CPSF6: variants seen among roughly 807,000 people sequenced by gnomAD.
CPSF6 encodes cleavage and polyadenylation specific factor 6, also known as cleavage and polyadenylation specificity factor subunit 6.
Under a neutral mutation model 56.7 loss-of-function variants are expected in CPSF6, and 10 were observed. The ratio of observed to expected loss-of-function variants is 0.18; its 90% CI spans 0.11 to 0.30. The LOEUF is 0.30. CPSF6 is among the 10% of genes least tolerant of loss of function. CPSF6 has a pLI of 1.00. For missense variants in CPSF6, 419 were observed against 722.9 expected (o/e 0.58, Z 4.82); for synonymous variants, 248 against 244.8 (o/e 1.01, Z -0.12).
chr12:69,255,727 C>T (rs865897884), intron 3 of CPSF6, among the ~76,000 whole-genome samples: 2 of 152,086 alleles, frequency 1.3e-5, no homozygotes, highest in Admixed American at 6.5e-5. Context: ...TTAGTAGAGA[C>T]GGGGTTTCAC....
rs920463886 is a variant in CPSF6, at chr12:69,269,563, A to G, written c.*55A>G. Reference sequence around the variant, plus strand: ...ACAAAACAGTCTTCATGGGGGAAAAATGACGCTTGTCCAGCAGTTTGCTTC... The same window carrying G: ...ACAAAACAGTCTTCATGGGGGAAAAGTGACGCTTGTCCAGCAGTTTGCTTC... On this transcript the variant is annotated 3_prime_UTR_variant, in exon 10 of 10. Transcript: ENST00000435070. 34 of 450,488 alleles carry G rather than the reference A, an allele frequency of 7.5e-5. No homozygotes were observed. Among genetic ancestry groups the G allele is most frequent in the African/African-American group, 6.6e-4 (33 of 49,800 alleles). The allele number at this position is 450,488 out of a possible 1,614,324, so 27.9% of individuals were successfully genotyped here. A position where few individuals can be genotyped will look rare whatever the true frequency, so the allele number is the denominator to read the frequency against.
intron 3 of CPSF6, among the ~76,000 whole-genome samples, chr12:69,253,607 T>TA (rs1872357770): frequency 6.6e-6 from 1 of 152,152 alleles, no homozygotes; most frequent in Non-Finnish European, 1.5e-5. Context: ...GAAAATAAAA[T>TA]ACCACTGTCC....
chr12:69,260,887 A>C (rs577302800), intron 8 of CPSF6, among the ~76,000 whole-genome samples: 1 of 152,320 alleles, frequency 6.6e-6, no homozygotes, highest in Admixed American at 6.5e-5. Context: ...TGTTGGGATG[A>C]TAGGCATGAG....
rs575566195 is a variant in CPSF6 at position 69,259,981 on chromosome 12, T to A, written c.1316-63T>A. The A allele has an allele frequency of 9.6e-6, 15 of 1,563,118 alleles. No individual in the cohort carries two copies. The African/African-American group carries it at 1.9e-4, about 20-fold the overall frequency. The stretch of plus-strand genomic sequence containing the variant: ...AATGCCTTATCACTCTTATCCCAAG[T>A]GGTTTGATGGTGTTTTGAAAACAAA... On this transcript the variant is annotated intron_variant, in intron 7 of 9. Transcript: ENST00000435070.
Position 69,272,160 on chromosome 12 carries a change from T to TC in CPSF6, c.*2652_*2653insC, listed in dbSNP as rs1321620391. The stretch of plus-strand genomic sequence containing the variant: ...GTGTAAATTTGCAGATGTGTGTTTT[T>TC]TTTTTTTGTCACTTTTCATAAGGTT... On this transcript the variant is annotated 3_prime_UTR_variant, in exon 10 of 10. Transcript: ENST00000435070. 2.0e-5 allele frequency: 3 copies of TC among 151,164 alleles called. No individual in the cohort carries two copies. The highest frequency in any genetic ancestry group is 7.3e-5 in the African/African-American group (3 of 41,268). The allele number at this position is 151,164 out of a possible 1,614,324, so 9.4% of individuals were successfully genotyped here.
intron 1 of CPSF6, among the ~76,000 whole-genome samples, chr12:69,247,068 A>G (rs541062669): frequency 1.8e-4 from 28 of 152,248 alleles, no homozygotes; most frequent in Non-Finnish European, 2.5e-4. Flanking sequence ...CAATAGTGGT[A>G]TACAGTATGT....
rs1418476057 is a variant in CPSF6 at position 69,273,578 on chromosome 12, A to C, written c.*4070A>C. ...AATTTCATAATTGGACAGACCCTGC[A>C]TTTAGCGAAAACATTTTGTTTTGAA... is the stretch of plus-strand genomic sequence containing the variant. On this transcript the variant is annotated 3_prime_UTR_variant, in exon 10 of 10. Transcript: ENST00000435070. 2.0e-5 allele frequency: 3 copies of C among 152,116 alleles called. No individual in the cohort carries two copies. Among genetic ancestry groups the C allele is most frequent in the African/African-American group, 4.8e-5 (2 of 41,432 alleles). The allele number at this position is 152,116 out of a possible 1,614,324, so 9.4% of individuals were successfully genotyped here. A position where few individuals can be genotyped will look rare whatever the true frequency, so the allele number is the denominator to read the frequency against.
chr12:69,257,022 A>C (rs907143098), intron 4 of CPSF6, among the ~76,000 whole-genome samples, 180 bp downstream of exon 4: 1 of 152,040 alleles, frequency 6.6e-6, no homozygotes, highest in African/African-American at 2.4e-5. Context: ...CGAGAAACCT[A>C]CTCCTGTTCC....
At chr12:69,256,960 G>C (rs767389003) in intron 4 of CPSF6, 118 bp downstream of exon 4, 10 of 866,412 alleles carry the variant, frequency 1.2e-5, no homozygotes, top group Non-Finnish European at 1.8e-5. Flanking sequence ...ATTTCACAAA[G>C]TCCATGCTTT....
chr12:69,249,159 G>GT (rs1592795766), intron 1 of CPSF6, among the ~76,000 whole-genome samples: 1 of 69,430 alleles, frequency 1.4e-5, no homozygotes, highest in African/African-American at 5.6e-5. Context: ...ACTCGGGGGG[G>GT]GGGGGGGGGG....
At chr12:69,266,683 C>T (rs1396838048) in intron 9 of CPSF6, among the ~76,000 whole-genome samples, 4 of 152,102 alleles carry the variant, frequency 2.6e-5, no homozygotes, top group South Asian at 2.1e-4. Flanking sequence ...TTTGTGGTAG[C>T]ATGTTTTGAC....
intron 4 of CPSF6, 96 bp downstream of exon 4, chr12:69,256,938 A>T: frequency 9.9e-7 from 1 of 1,005,052 alleles, no homozygotes; most frequent in South Asian, 1.7e-5. Context: ...ATACTAGCTC[A>T]CTAGGAACTC....
chr12:69,243,735 AT>A (rs1479598593), intron 1 of CPSF6, among the ~76,000 whole-genome samples: 1 of 152,208 alleles, frequency 6.6e-6, no homozygotes, highest in Non-Finnish European at 1.5e-5. Flanking sequence ...GAATGTGAAG[AT>A]CTGGGACATG....
chr12:69,254,183 T>A (rs983325665), intron 3 of CPSF6, among the ~76,000 whole-genome samples: 1 of 150,988 alleles, frequency 6.6e-6, no homozygotes, highest in Non-Finnish European at 1.5e-5. Flanking sequence ...ACAGAAGTTC[T>A]AAAAAAAAAA....
Position 69,258,423 on chromosome 12 carries a change from A to T in CPSF6, c.695-167A>T, listed in dbSNP as rs1445390793. Among the ~76,000 whole-genome samples, 2 of 152,228 alleles carry T rather than the reference A, an allele frequency of 1.3e-5. No individual in the cohort carries two copies. Among genetic ancestry groups the T allele is most frequent in the South Asian group, 4.1e-4 (2 of 4,832 alleles). Reference sequence around the variant, plus strand: ...AATTGAGCTAGTTAAATTTGTAAGGATATACTTCATTGTAGTTGGTAGTGT... The same window carrying T: ...AATTGAGCTAGTTAAATTTGTAAGGTTATACTTCATTGTAGTTGGTAGTGT... On this transcript the variant is annotated intron_variant, in intron 5 of 9. Transcript: ENST00000435070. The surrounding 1 kb of genome is among the most constrained non-coding windows in gnomAD (Gnocchi z 4.2).
rs548653634 is a variant in CPSF6, at chr12:69,273,559, A to G, written c.*4051A>G. 1.3e-5 allele frequency: 2 copies of G among 152,564 alleles called. No homozygotes were observed. The highest frequency in any genetic ancestry group is 4.8e-5 in the African/African-American group (2 of 41,544). The allele number at this position is 152,564 out of a possible 1,614,324, so 9.5% of individuals were successfully genotyped here. ...GGTGTAAATGTTTTACATTAATTTC[A>G]TAATTGGACAGACCCTGCATTTAGC... is the stretch of plus-strand genomic sequence containing the variant. On this transcript the variant is annotated 3_prime_UTR_variant, in exon 10 of 10. Coordinates refer to ENST00000435070, the MANE Select transcript of CPSF6 (RefSeq NM_007007.3).
chr12:69,258,607 C>T lies in CPSF6; in HGVS notation c.712C>T (p.Arg238Cys). The T allele has an allele frequency of 6.2e-7, 1 of 1,610,800 alleles. No individual in the cohort carries two copies. The highest frequency in any genetic ancestry group is 8.5e-7 in the Non-Finnish European group (1 of 1,178,234). The change falls in exon 6 of 10, where the codon CGT becomes TGT. Residue 238 changes from arginine (R) to cysteine (C), a missense_variant. Physicochemically the swap from Arg to Cys is radical, Grantham distance 180 (BLOSUM62 -3). Transcript: ENST00000435070. The surrounding 1 kb of genome is among the most constrained non-coding windows in gnomAD (Gnocchi z 4.2). ...TTTTTTAGCTGGACAGACTCCACCA[C>T]GTCCACCCTTAGGTCCTCCAGGCCC... ...PPFPAGQTPP[R>C]PPLGPPGPPG...
intron 3 of CPSF6, among the ~76,000 whole-genome samples, chr12:69,256,231 T>C (rs1872502458): frequency 6.6e-6 from 1 of 152,060 alleles, no homozygotes; most frequent in African/African-American, 2.4e-5. Context: ...TGGGAAGGAA[T>C]GGGAGCGATG....
intron 9 of CPSF6, among the ~76,000 whole-genome samples, chr12:69,263,492 AG>A (rs1449734249): frequency 1.3e-5 from 2 of 152,070 alleles, no homozygotes; most frequent in African/African-American, 2.4e-5. Flanking sequence ...TGTGACACAA[AG>A]GTTATTCTGT....
Sources: allele counts gnomAD v4.1 joint callset (sites outside exome capture counted in the v4.1 genomes callset), GRCh38; gene constraint gnomAD v4.1.1; non-coding constraint Gnocchi (gnomAD v3.1); transcripts MANE v1.5; gene names NCBI Gene and HGNC (gene_info 2026-07-23, HGNC 2026-07-21).